Variants in SEPTIN7 observed in about 807,000 individuals in gnomAD.
SEPTIN7 encodes septin-7.
Under a neutral mutation model 63.3 loss-of-function variants are expected in SEPTIN7, and 10 were observed. The observed-to-expected ratio is 0.16, with a 90% confidence interval of 0.10 to 0.27. The LOEUF (loss-of-function observed/expected upper bound fraction) is 0.27. Ranked by LOEUF, SEPTIN7 falls within the 10% of genes least tolerant of loss-of-function variation. SEPTIN7 has a pLI of 1.00. For missense variants in SEPTIN7, 310 were observed against 521.0 expected (o/e 0.59, Z 3.94); for synonymous variants, 131 against 165.3 (o/e 0.79, Z 1.59).
At chr7:35,829,435 T>C (rs1783709890) in intron 1 of SEPTIN7, among the ~76,000 whole-genome samples, 1 of 152,096 alleles carries the variant, frequency 6.6e-6, no homozygotes. Flanking sequence ...TCATCCCCAC[T>C]TTAGGGCCTA....
At chr7:35,801,884 C>T (rs1788009240) in intron 1 of SEPTIN7, among the ~76,000 whole-genome samples, 1 of 152,126 alleles carries the variant, frequency 6.6e-6, no homozygotes. Context: ...CGCGTCGCCT[C>T]CCCGCTCCTC....
chr7:35,827,517 G>GTCTT, intron 1 of SEPTIN7, among the ~76,000 whole-genome samples: 1 of 152,190 alleles, frequency 6.6e-6, no homozygotes, highest in East Asian at 1.9e-4. Flanking sequence ...TTGAGACAGA[G>GTCTT]TCTTGCTCTG....
rs199557992 is a variant in SEPTIN7 at position 35,878,315 on chromosome 7, G to GCC, written c.513-1508_513-1507insCC. ...AATGGAGGAGGGTGTTCCAGCTAAGGTAGTAGCCTGTGGCCAGATGTCAAA... is the reference window on the plus strand; with the variant it reads ...AATGGAGGAGGGTGTTCCAGCTAAGGCCTAGTAGCCTGTGGCCAGATGTCAAA... On this transcript the variant is annotated intron_variant, in intron 6 of 13. Coordinates refer to ENST00000350320, the MANE Select transcript of SEPTIN7 (RefSeq NM_001788.6). Among the ~76,000 whole-genome samples the GCC allele has an allele frequency of 5.8e-3, 883 of 152,210 alleles. 6 individuals carry two copies. Among genetic ancestry groups the GCC allele is most frequent in the African/African-American group, 0.02 (841 of 41,522 alleles).
rs1182665932 is a variant in SEPTIN7 at position 35,853,898 on chromosome 7, C to T, written c.170-9654C>T. On this transcript the variant is annotated intron_variant, in intron 3 of 13. Transcript: ENST00000350320. The stretch of plus-strand genomic sequence containing the variant: ...ACTGCCTGGTGTCAAATACTGATTA[C>T]TGCTTATTAACTCTTTGGCACTAGT... 2.6e-5 allele frequency among the ~76,000 whole-genome samples: 4 copies of T among 152,234 alleles called. No individual in the cohort carries two copies. In the East Asian group the frequency reaches 7.7e-4, roughly 29 times the overall value.
downstream of SEPTIN7, among the ~76,000 whole-genome samples, chr7:35,907,629 G>T (rs186658994): frequency 6.6e-6 from 1 of 152,152 alleles, no homozygotes; most frequent in African/African-American, 2.4e-5. Flanking sequence ...TAAATATTAC[G>T]CCTTGCAAGT....
At chr7:35,863,493 A>G in intron 3 of SEPTIN7, 59 bp from the exon 4 acceptor site, 1 of 982,250 alleles carries the variant, frequency 1.0e-6, no homozygotes, top group Admixed American at 2.1e-5. Context: ...CATCTGTTGA[A>G]TATTTAAGAT....
chr7:35,885,725 A>G (rs1787192167), intron 9 of SEPTIN7, 103 bp from the exon 10 acceptor site: 3 of 844,412 alleles, frequency 3.6e-6, no homozygotes, highest in Non-Finnish European at 5.9e-6. Flanking sequence ...TCTGTTTTGC[A>G]TTTCCTCTTC....
intron 3 of SEPTIN7, among the ~76,000 whole-genome samples, chr7:35,857,143 C>T (rs1785253765): frequency 1.3e-5 from 2 of 152,122 alleles, no homozygotes; most frequent in Admixed American, 1.3e-4. Flanking sequence ...AAATTGAACA[C>T]TTATCAATCT....
intron 4 of SEPTIN7, among the ~76,000 whole-genome samples, chr7:35,868,128 C>T (rs913453374): frequency 2.6e-5 from 4 of 152,220 alleles, no homozygotes; most frequent in Admixed American, 1.3e-4. Flanking sequence ...CCTCAGCCTC[C>T]GAAAGCGCTG....
chr7:35,869,280 G>C (rs1169231490), intron 4 of SEPTIN7, among the ~76,000 whole-genome samples: 2 of 152,152 alleles, frequency 1.3e-5, no homozygotes, highest in African/African-American at 4.8e-5. Flanking sequence ...GTAGTTCTGG[G>C]TCTTGATGAG....
At chr7:35,833,356 A>G (rs888167349) in intron 3 of SEPTIN7, among the ~76,000 whole-genome samples, 1 of 152,000 alleles carries the variant, frequency 6.6e-6, no homozygotes, top group Non-Finnish European at 1.5e-5. Context: ...CATTAATTGA[A>G]TGTAAGCACT....
intron 3 of SEPTIN7, among the ~76,000 whole-genome samples, chr7:35,835,445 T>C (rs1399620875): frequency 6.6e-6 from 1 of 152,136 alleles, no homozygotes; most frequent in Non-Finnish European, 1.5e-5. Flanking sequence ...GTTATCCCAT[T>C]TTGGAGCTGA....
At chr7:35,869,066 A>G (rs1218771560) in intron 4 of SEPTIN7, among the ~76,000 whole-genome samples, 1 of 152,138 alleles carries the variant, frequency 6.6e-6, no homozygotes, top group East Asian at 1.9e-4. Context: ...ATTTTATGGT[A>G]TAGGAATAGA....
At chr7:35,834,329 A>G (rs1273794833) in intron 3 of SEPTIN7, among the ~76,000 whole-genome samples, 1 of 152,066 alleles carries the variant, frequency 6.6e-6, no homozygotes, top group African/African-American at 2.4e-5. Context: ...TATACTTAGT[A>G]GGATAATGTC....
intron 1 of SEPTIN7, among the ~76,000 whole-genome samples, chr7:35,823,792 A>G (rs551849109): frequency 2.0e-5 from 3 of 152,140 alleles, no homozygotes; most frequent in Middle Eastern, 3.4e-3. Flanking sequence ...ACGTATTCCT[A>G]GTCTCTCTCT....
intron 6 of SEPTIN7, among the ~76,000 whole-genome samples, chr7:35,876,894 G>A (rs1310670941): frequency 2.0e-5 from 3 of 152,082 alleles, no homozygotes; most frequent in Non-Finnish European, 2.9e-5. Flanking sequence ...GCTTGAACCC[G>A]GGAGGCGGAG....
intron 1 of SEPTIN7, among the ~76,000 whole-genome samples, chr7:35,824,094 TA>T (rs900416361): frequency 2.6e-5 from 4 of 151,840 alleles, no homozygotes; most frequent in Admixed American, 6.6e-5. Context: ...AGATAAGCAT[TA>T]AAAAAAATTG....
At chr7:35,890,880 A>G in intron 11 of SEPTIN7, 87 bp downstream of exon 11, 5 of 1,180,418 alleles carry the variant, frequency 4.2e-6, no homozygotes, top group Non-Finnish European at 5.4e-6. Flanking sequence ...TCTTCTGGCT[A>G]CTCAGTAGAA....
intron 1 of SEPTIN7, among the ~76,000 whole-genome samples, chr7:35,817,152 A>G (rs1306380618): frequency 1.3e-5 from 2 of 151,960 alleles, no homozygotes. Flanking sequence ...ATGAAAATAT[A>G]CCCCTATGTT....
Sources: gnomAD v4.1 joint callset for allele counts (sites outside exome capture counted in the v4.1 genomes callset) on GRCh38, gnomAD v4.1.1 for gene constraint, MANE v1.5 for transcripts, NCBI Gene and HGNC (gene_info 2026-07-23, HGNC 2026-07-21) for gene names.